The following RNF121 variants were observed in gnomAD, a reference collection of about 807,000 sequenced individuals.
RNF121 encodes ring finger protein 121.
In RNF121, 21 loss-of-function variants were observed where a neutral mutation model predicts 46.5. That is an observed-to-expected ratio of 0.45 (90% CI 0.32 to 0.65). The LOEUF (loss-of-function observed/expected upper bound fraction) is 0.65, where lower values mean the gene tolerates loss of function less well. Ranked by LOEUF, RNF121 falls within the 30% of genes least tolerant of loss-of-function variation. RNF121 has a pLI of 0.04. For missense variants in RNF121, 346 were observed against 416.0 expected (o/e 0.83, Z 1.46); for synonymous variants, 139 against 144.7 (o/e 0.96, Z 0.28).
chr11:71,985,159 T>G (rs998107961), intron 4 of RNF121, among the ~76,000 whole-genome samples: 4 of 152,204 alleles, frequency 2.6e-5, no homozygotes, highest in Admixed American at 6.5e-5. Context: ...ACTCCTGAGC[T>G]CAAAGAATCC....
chr11:71,960,475 T>C (rs533329177), intron 2 of RNF121, among the ~76,000 whole-genome samples: 1 of 152,298 alleles, frequency 6.6e-6, no homozygotes, highest in Admixed American at 6.5e-5. Flanking sequence ...AGGAAAGGTG[T>C]CAGCTGTTTC....
intron 5 of RNF121, among the ~76,000 whole-genome samples, chr11:71,989,485 G>A (rs766996154): frequency 2.1e-4 from 32 of 152,126 alleles, no homozygotes; most frequent in African/African-American, 7.7e-4. Flanking sequence ...GATCATTTTT[G>A]TGCTACTGAT....
intron 3 of RNF121, among the ~76,000 whole-genome samples, chr11:71,974,887 T>G (rs896652639): frequency 2.0e-5 from 3 of 152,230 alleles, no homozygotes; most frequent in African/African-American, 7.2e-5. Flanking sequence ...CAAACCAGAC[T>G]TGCCTTTTGG....
intron 6 of RNF121, among the ~76,000 whole-genome samples, chr11:71,993,182 C>T (rs187671654): frequency 1.3e-5 from 2 of 152,320 alleles, no homozygotes; most frequent in African/African-American, 2.4e-5. Flanking sequence ...TTTGTGTAGA[C>T]ATTGGATCTT....
At chr11:71,944,037 AAG>A (rs1240977921) in intron 1 of RNF121, among the ~76,000 whole-genome samples, 22 of 152,136 alleles carry the variant, frequency 1.4e-4, no homozygotes, top group African/African-American at 5.3e-4. Flanking sequence ...GAAGAGCTTT[AAG>A]AACTTAGGTT....
intron 3 of RNF121, among the ~76,000 whole-genome samples, chr11:71,975,260 ACTT>A (rs553164788): frequency 6.6e-5 from 10 of 152,136 alleles, no homozygotes; most frequent in Non-Finnish European, 1.5e-4. Flanking sequence ...AGAAGGAAAA[ACTT>A]CTATCTTCAG....
At chr11:71,979,033 T>C (rs1954592308) in intron 3 of RNF121, among the ~76,000 whole-genome samples, 1 of 152,212 alleles carries the variant, frequency 6.6e-6, no homozygotes, top group African/African-American at 2.4e-5. Context: ...TTTAGATCTT[T>C]TTCCTGCAGC....
chr11:71,930,839 T>C (rs528130557), intron 1 of RNF121, among the ~76,000 whole-genome samples: 1 of 152,206 alleles, frequency 6.6e-6, no homozygotes, highest in Non-Finnish European at 1.5e-5. Context: ...TAACATTTTC[T>C]TTTTTTATTT....
intron 1 of RNF121, among the ~76,000 whole-genome samples, chr11:71,942,496 C>T (rs1208066205): frequency 1.3e-5 from 2 of 152,030 alleles, no homozygotes; most frequent in Admixed American, 6.5e-5. Flanking sequence ...GGCACAGTGG[C>T]TCACGCCTGT....
intron 3 of RNF121, chr11:71,978,368 T>A (rs1954577029): frequency 4.6e-6 from 1 of 215,142 alleles, no homozygotes; most frequent in Non-Finnish European, 9.9e-6. Context: ...TTTCACTCCC[T>A]AATGGAGATG....
At chr11:71,945,673 C>G (rs940924964) in intron 1 of RNF121, among the ~76,000 whole-genome samples, 2 of 152,144 alleles carry the variant, frequency 1.3e-5, no homozygotes, top group Non-Finnish European at 2.9e-5. Flanking sequence ...GAATACGACT[C>G]AAATGATCCT....
chr11:71,968,934 G>A (rs1414118526), intron 3 of RNF121, among the ~76,000 whole-genome samples: 1 of 141,804 alleles, frequency 7.1e-6, no homozygotes, highest in Non-Finnish European at 1.5e-5. Context: ...TGCCCAGGCT[G>A]GAATGCAGTG....
intron 3 of RNF121, among the ~76,000 whole-genome samples, chr11:71,967,065 G>A (rs1217055486): frequency 3.4e-5 from 5 of 146,944 alleles, no homozygotes; most frequent in Admixed American, 1.4e-4. Context: ...TAGAGACGGG[G>A]TTTCACCTTG....
chr11:71,929,287 A>C (rs1306150758), intron 1 of RNF121, among the ~76,000 whole-genome samples, 163 bp downstream of exon 1: 1 of 151,202 alleles, frequency 6.6e-6, no homozygotes, highest in African/African-American at 2.4e-5. Flanking sequence ...GGCACTCCTG[A>C]CTTGGGGACT....
intron 3 of RNF121, among the ~76,000 whole-genome samples, chr11:71,972,224 G>A (rs1954436052): frequency 1.3e-5 from 2 of 152,252 alleles, no homozygotes; most frequent in Admixed American, 6.5e-5. Flanking sequence ...TACATGTGAA[G>A]CACATTAGAA....
intron 1 of RNF121, among the ~76,000 whole-genome samples, chr11:71,933,401 G>A (rs1953323165): frequency 6.6e-6 from 1 of 152,156 alleles, no homozygotes; most frequent in African/African-American, 2.4e-5. Context: ...TAATATTATT[G>A]CCTCAAGTGA....
chr11:71,960,471 G>T (rs556369017), intron 2 of RNF121, among the ~76,000 whole-genome samples: 3 of 152,170 alleles, frequency 2.0e-5, no homozygotes, highest in Non-Finnish European at 4.4e-5. Flanking sequence ...CTACAGGAAA[G>T]GTGTCAGCTG....
At chr11:71,975,791 A>G (rs1248007979) in intron 3 of RNF121, among the ~76,000 whole-genome samples, 1 of 152,262 alleles carries the variant, frequency 6.6e-6, no homozygotes, top group Non-Finnish European at 1.5e-5. Context: ...CATAAGAAAC[A>G]TGGAGTAAGT....
intron 5 of RNF121, among the ~76,000 whole-genome samples, chr11:71,990,392 C>T (rs902927170): frequency 1.3e-5 from 2 of 152,194 alleles, no homozygotes; most frequent in African/African-American, 2.4e-5. Context: ...GTCTTCACAG[C>T]CTACAGTGCT....
Sources: allele counts gnomAD v4.1 joint callset (sites outside exome capture counted in the v4.1 genomes callset), GRCh38; gene constraint gnomAD v4.1.1; transcripts MANE v1.5; gene names NCBI Gene and HGNC (gene_info 2026-07-23, HGNC 2026-07-21).